CYRIB: variants seen among roughly 807,000 people sequenced by gnomAD.
CYRIB encodes CYFIP-related Rac1 interactor B.
A neutral mutation model predicts 44.2 loss-of-function variants in CYRIB; 8 were observed. The ratio of observed to expected loss-of-function variants is 0.18; its 90% CI spans 0.11 to 0.33. The LOEUF (loss-of-function observed/expected upper bound fraction) is 0.33, where lower values mean the gene tolerates loss of function less well. CYRIB is among the 10% of genes least tolerant of loss of function. CYRIB has a pLI of 1.00. For synonymous variants in CYRIB, 131 were observed against 127.2 expected (o/e 1.03, Z -0.20); for missense variants, 185 against 382.8 (o/e 0.48, Z 4.31).
intron 2 of CYRIB, among the ~76,000 whole-genome samples, chr8:129,969,996 G>A (rs1454285530): frequency 6.6e-6 from 1 of 152,176 alleles, no homozygotes; most frequent in Non-Finnish European, 1.5e-5. Context: ...TATGTTGACA[G>A]ACGTCAGAAT....
chr8:129,849,634 T>C (rs2042191072), intron 9 of CYRIB: 1 of 311,114 alleles, frequency 3.2e-6, no homozygotes, highest in Non-Finnish European at 6.1e-6. Context: ...CTTTGATCTC[T>C]AAAAGGTATA....
chr8:129,997,110 GA>G (rs1175266448), intron 1 of CYRIB, among the ~76,000 whole-genome samples: 337 of 140,666 alleles, frequency 2.4e-3, no homozygotes, highest in Non-Finnish European at 2.2e-3. Context: ...AGGAAGGAAG[GA>G]AGGAAGGAAG....
chr8:129,947,441 G>A (rs1429713717), intron 2 of CYRIB, among the ~76,000 whole-genome samples: 1 of 152,106 alleles, frequency 6.6e-6, no homozygotes, highest in East Asian at 1.9e-4. Flanking sequence ...ACCACCTCTT[G>A]TTACAATGTC....
chr8:129,945,771 C>T (rs1274549707), intron 2 of CYRIB, among the ~76,000 whole-genome samples: 1 of 152,134 alleles, frequency 6.6e-6, no homozygotes, highest in African/African-American at 2.4e-5. Flanking sequence ...CAGGGTTTCA[C>T]CATGTTGGCC....
intron 3 of CYRIB, among the ~76,000 whole-genome samples, chr8:129,873,630 G>A (rs116974158): frequency 0.012 from 1,897 of 152,076 alleles, 23 homozygotes; most frequent in South Asian, 0.026. Context: ...CAATAGTTTA[G>A]CTATTATATA....
chr8:129,894,823 T>C (rs1416912296), intron 2 of CYRIB, among the ~76,000 whole-genome samples: 1 of 152,092 alleles, frequency 6.6e-6, no homozygotes, highest in Admixed American at 6.5e-5. Flanking sequence ...CAATCTTCTA[T>C]ATTAAATTGT....
chr8:129,942,875 T>C (rs2093823208), upstream of CYRIB, among the ~76,000 whole-genome samples: 1 of 152,214 alleles, frequency 6.6e-6, no homozygotes, highest in African/African-American at 2.4e-5. Context: ...GATGCAGGAT[T>C]CAAACCCAAT....
chr8:129,899,683 A>T (rs746598036), intron 2 of CYRIB, among the ~76,000 whole-genome samples: 4 of 152,352 alleles, frequency 2.6e-5, no homozygotes, highest in Non-Finnish European at 5.9e-5. Flanking sequence ...ACTATGCCAT[A>T]CATATTCAGG....
intron 1 of CYRIB, among the ~76,000 whole-genome samples, chr8:130,007,711 G>A (rs910533262): frequency 3.3e-5 from 5 of 152,138 alleles, no homozygotes; most frequent in Non-Finnish European, 5.9e-5. Context: ...TTGAACCTGG[G>A]AGACGGAGGT....
chr8:129,907,299 G>T (rs942987221), intron 1 of CYRIB, among the ~76,000 whole-genome samples: 2 of 152,152 alleles, frequency 1.3e-5, no homozygotes. Flanking sequence ...CCTTTGTAGG[G>T]ACATGGATGA....
chr8:129,984,084 G>A (rs903922852), intron 1 of CYRIB, among the ~76,000 whole-genome samples: 1 of 152,248 alleles, frequency 6.6e-6, no homozygotes, highest in Non-Finnish European at 1.5e-5. Flanking sequence ...GAATGCCTGA[G>A]GAGGTGATCC....
chr8:129,993,613 C>T (rs2096694052), intron 1 of CYRIB, among the ~76,000 whole-genome samples: 1 of 151,986 alleles, frequency 6.6e-6, no homozygotes, highest in Non-Finnish European at 1.5e-5. Flanking sequence ...AGGAGAATCG[C>T]TGGAACCCAG....
chr8:129,943,229 C>T (rs1338470024), upstream of CYRIB, among the ~76,000 whole-genome samples: 3 of 151,832 alleles, frequency 2.0e-5, no homozygotes, highest in African/African-American at 7.3e-5. Flanking sequence ...AAGCATGACT[C>T]GTTGTAATTC....
intron 2 of CYRIB, among the ~76,000 whole-genome samples, chr8:129,891,212 T>C (rs1313521413): frequency 3.9e-5 from 6 of 152,240 alleles, no homozygotes; most frequent in Admixed American, 3.9e-4. Flanking sequence ...CTAAAAGTAA[T>C]TGCTGCTTCT....
chr8:130,005,547 C>A (rs543522145), intron 1 of CYRIB, among the ~76,000 whole-genome samples: 7 of 152,136 alleles, frequency 4.6e-5, no homozygotes, highest in African/African-American at 1.7e-4. Context: ...CTTCCACCTT[C>A]GACTGGAATC....
intron 2 of CYRIB, among the ~76,000 whole-genome samples, chr8:129,891,702 ACT>A: frequency 6.6e-6 from 1 of 152,300 alleles, no homozygotes; most frequent in East Asian, 1.9e-4. Context: ...TCTAGTCCTG[ACT>A]CTATCATAAA....
intron 3 of CYRIB, among the ~76,000 whole-genome samples, chr8:129,875,255 GC>G (rs2058707894): frequency 6.6e-6 from 1 of 151,082 alleles, no homozygotes; most frequent in South Asian, 2.1e-4. Context: ...GGCTATGCAG[GC>G]CCCCATTCAG....
At chr8:129,867,106 C>A (rs2054072630) in intron 4 of CYRIB, among the ~76,000 whole-genome samples, 1 of 152,206 alleles carries the variant, frequency 6.6e-6, no homozygotes, top group Non-Finnish European at 1.5e-5. Flanking sequence ...CTCGGCAACA[C>A]AGCAAGTCTG....
intron 1 of CYRIB, chr8:129,939,516 C>T (rs577521222): frequency 6.6e-6 from 1 of 152,150 alleles, no homozygotes; most frequent in East Asian, 1.9e-4. Flanking sequence ...GCGGGCCCCG[C>T]CGCACCCGCC....
Sources: allele counts gnomAD v4.1 joint callset (sites outside exome capture counted in the v4.1 genomes callset), GRCh38; gene constraint gnomAD v4.1.1; transcripts MANE v1.5; gene names NCBI Gene and HGNC (gene_info 2026-07-23, HGNC 2026-07-21).